SCAI: variants seen among roughly 807,000 people sequenced by gnomAD.
SCAI encodes suppressor of cancer cell invasion.
In SCAI, 24 loss-of-function variants were observed where a neutral mutation model predicts 92.2. The observed-to-expected ratio is 0.26, with a 90% CI of 0.19 to 0.37. The LOEUF (loss-of-function observed/expected upper bound fraction) is 0.37, where lower values mean the gene tolerates loss of function less well. Ranked by LOEUF, SCAI falls within the 10% of genes least tolerant of loss-of-function variation. The probability of loss-of-function intolerance (pLI) is 1.00; values close to 1 mark genes in which losing one functional copy is unlikely to be tolerated. For missense variants in SCAI, 450 were observed against 736.2 expected (o/e 0.61, Z 4.50); for synonymous variants, 261 against 258.6 (o/e 1.01, Z -0.09).
At chr9:125,054,436 G>A (rs1364723634) in intron 3 of SCAI, among the ~76,000 whole-genome samples, 1 of 151,902 alleles carries the variant, frequency 6.6e-6, no homozygotes, top group Non-Finnish European at 1.5e-5. Flanking sequence ...ATTGAGGGCA[G>A]GGACTGTTAG....
At chr9:125,131,110 T>A (rs534851224) in intron 2 of SCAI, among the ~76,000 whole-genome samples, 169 of 151,864 alleles carry the variant, frequency 1.1e-3, no homozygotes, top group African/African-American at 1.4e-3. Flanking sequence ...GATATTTTTT[T>A]AAAAAATTAT....
chr9:125,123,649 C>T (rs911078701), intron 2 of SCAI, among the ~76,000 whole-genome samples: 1 of 152,108 alleles, frequency 6.6e-6, no homozygotes, highest in Non-Finnish European at 1.5e-5. Context: ...GTGGCGGGCA[C>T]CTGGAATCTC....
At chr9:125,122,860 C>T (rs1252315136) in intron 2 of SCAI, among the ~76,000 whole-genome samples, 1 of 152,222 alleles carries the variant, frequency 6.6e-6, no homozygotes, top group East Asian at 1.9e-4. Flanking sequence ...GAGCCAAGAT[C>T]GCACCACCGC....
chr9:125,067,330 CG>C (rs573900184), intron 2 of SCAI, among the ~76,000 whole-genome samples: 22 of 152,034 alleles, frequency 1.4e-4, no homozygotes, highest in Non-Finnish European at 2.8e-4. Context: ...GTTAAGATGA[CG>C]TCATGCTGGA....
In SCAI at chr9:125,028,395, T is replaced by C; in HGVS notation, c.410A>G (p.Tyr137Cys). The C allele has an allele frequency of 6.4e-7, 1 of 1,552,734 alleles. No individual in the cohort carries two copies. Among genetic ancestry groups the C allele is most frequent in the Non-Finnish European group, 8.8e-7 (1 of 1,131,644 alleles). Residue 137 changes from tyrosine to cysteine, a missense_variant, in exon 5 of 18, where the codon TAT (tyrosine) becomes TGT (cysteine). By Grantham distance (194) the Tyr-to-Cys change is radical (BLOSUM62 -2). Coordinates refer to ENST00000336505, the MANE Select transcript of SCAI (RefSeq NM_001144877.3). Reference protein sequence around the residue: ...ASKIGQLYYHYYLRTSETSYL... With the variant: ...ASKIGQLYYHCYLRTSETSYL... ...TTTCCATGTGTAATTTACTTACTAA[T>C]AATGATAGTATAGCTGCCCAATCTT...
chr9:125,096,288 TATTCAC>T (rs1660483324), intron 2 of SCAI, among the ~76,000 whole-genome samples: 1 of 152,086 alleles, frequency 6.6e-6, no homozygotes, highest in Admixed American at 6.6e-5. Flanking sequence ...TCGTGAGACT[TATTCAC>T]TATCACAAGG....
At position 124,983,835 on chromosome 9, in the gene SCAI, C is replaced by T. The variant is rs141803088; in HGVS notation, c.1327-7649G>A. ...TTTTACATTCCAACTTGGCTACCTA[C>T]TATCTGTGTGATCTTGGGCAAATTA... On this transcript the variant is annotated intron_variant, in intron 14 of 17. Coordinates refer to ENST00000336505, the MANE Select transcript of SCAI (RefSeq NM_001144877.3). Among the ~76,000 whole-genome samples, 27 of 152,360 alleles carry T rather than the reference C, an allele frequency of 1.8e-4. No individual in the cohort carries two copies. In the East Asian group the frequency reaches 5.2e-3, roughly 29 times the overall value.
At position 124,952,818 on chromosome 9, in the gene SCAI, C is replaced by G. The variant is rs1178171123; in HGVS notation, c.1810G>C (p.Asp604His). 5 of 1,611,886 alleles carry G rather than the reference C, an allele frequency of 3.1e-6. No homozygotes were observed. The highest frequency in any genetic ancestry group is 1.6e-4 in the Middle Eastern group (1 of 6,074). Residue 604 changes from aspartate (D) to histidine (H), a missense_variant, in exon 18 of 18, where the codon GAT (aspartate) becomes CAT (histidine). Around this residue, in one of 3 missense-constraint regions of SCAI, gnomAD observed 360 missense variants for 601.8 expected, o/e 0.60. Transcript: ENST00000336505. ...ACAGGGTTTTTGTTTTAATAGTCAT[C>G]AATGGTATTCTCAAAGAACACGTTT... ...VRNVFFENTIDDY is the reference protein window; with the variant it reads ...VRNVFFENTIHDY
rs753899383 is a variant in SCAI at position 125,003,141 on chromosome 9, T to C, written c.1038A>G (p.Leu346=). The C allele has an allele frequency of 2.5e-6, 4 of 1,613,812 alleles. No homozygotes were observed. The highest frequency in any genetic ancestry group is 1.6e-4 in the Middle Eastern group (1 of 6,062). ...YLLYKPTFSQ[L]YTFLAASFKE... Reference sequence around the variant, plus strand: ...TAAAAGACGCTGCTAAGAAGGTATATAGCTGGCTGAAGGTTGGTTTGTAGA... The same window carrying C: ...TAAAAGACGCTGCTAAGAAGGTATACAGCTGGCTGAAGGTTGGTTTGTAGA... The change falls in exon 11 of 18, where the codon CTA becomes CTG. Residue 346 remains leucine, a synonymous_variant. Coordinates refer to ENST00000336505, the MANE Select transcript of SCAI (RefSeq NM_001144877.3).
chr9:124,991,484 A>G (rs149879934), intron 14 of SCAI, among the ~76,000 whole-genome samples: 81 of 152,186 alleles, frequency 5.3e-4, no homozygotes, highest in African/African-American at 1.8e-3. Context: ...TATATAAAAC[A>G]TATATAGCAA....
At chr9:125,040,749 C>A (rs963203108) in intron 3 of SCAI, among the ~76,000 whole-genome samples, 3 of 152,088 alleles carry the variant, frequency 2.0e-5, no homozygotes, top group African/African-American at 7.2e-5. Context: ...ACTCAGCCTC[C>A]TGAGTAGATG....
At chr9:125,080,688 T>C (rs946667054) in intron 2 of SCAI, among the ~76,000 whole-genome samples, 5 of 152,244 alleles carry the variant, frequency 3.3e-5, no homozygotes, top group Admixed American at 1.3e-4. Flanking sequence ...CATAAAGGTA[T>C]TATGAAGATT....
intron 2 of SCAI, among the ~76,000 whole-genome samples, chr9:125,081,777 G>A (rs1312289239): frequency 6.6e-6 from 1 of 152,010 alleles, no homozygotes; most frequent in Non-Finnish European, 1.5e-5. Context: ...GGTTCACCAT[G>A]TTGCCCAGGC....
intron 12 of SCAI, 37 bp from the exon 13 acceptor site, chr9:125,000,027 G>A: frequency 1.0e-6 from 1 of 963,958 alleles, no homozygotes; most frequent in Non-Finnish European, 1.6e-6. Context: ...GACTTCAGTT[G>A]AAGACTAACA....
At chr9:125,079,613 T>G (rs530095580) in intron 2 of SCAI, among the ~76,000 whole-genome samples, 3 of 152,298 alleles carry the variant, frequency 2.0e-5, no homozygotes, top group African/African-American at 7.2e-5. Context: ...AATTAACAAC[T>G]CATTAGTTCA....
chr9:125,016,285 G>A (rs1832757954), intron 9 of SCAI, among the ~76,000 whole-genome samples: 1 of 150,784 alleles, frequency 6.6e-6, no homozygotes, highest in South Asian at 2.1e-4. Flanking sequence ...CTACTAGGAA[G>A]GCTGAGGCAG....
At position 125,006,947 on chromosome 9, in the gene SCAI, C is replaced by G. The variant is rs1832523055; in HGVS notation, c.862-3377G>C. Among the ~76,000 whole-genome samples, 4 of 152,148 alleles carry G rather than the reference C, an allele frequency of 2.6e-5. No individual in the cohort carries two copies. The South Asian group carries it at 8.3e-4, about 32-fold the overall frequency. ...GAGCCTGGCCAACATGGTGAAACCC[C>G]ATCTCTACTAACAAATACAAAAATT... On this transcript the variant is annotated intron_variant, in intron 9 of 17. Coordinates refer to ENST00000336505, the MANE Select transcript of SCAI (RefSeq NM_001144877.3).
chr9:125,125,535 AAAAG>A (rs2131255856), intron 2 of SCAI, among the ~76,000 whole-genome samples: 1 of 151,740 alleles, frequency 6.6e-6, no homozygotes, highest in East Asian at 1.9e-4. Context: ...CTCCAAAAAA[AAAAG>A]AAAGAAAAAT....
rs1332153910 is a variant in SCAI, at chr9:124,951,103, A to G, written c.*1704T>C. 6.6e-6 allele frequency: 1 copy of G among 152,202 alleles called. No individual in the cohort carries two copies. Among genetic ancestry groups the G allele is most frequent in the African/African-American group, 2.4e-5 (1 of 41,292 alleles). 9.4% of individuals were successfully genotyped at this position (152,202 alleles called of 1,614,324 possible). A position where few individuals can be genotyped will look rare whatever the true frequency, so the allele number is the denominator to read the frequency against. On this transcript the variant is annotated 3_prime_UTR_variant, in exon 18 of 18. Coordinates refer to ENST00000336505, the MANE Select transcript of SCAI (RefSeq NM_001144877.3). The stretch of plus-strand genomic sequence containing the variant: ...AAGTAAAATACTCCCCAAGTCCCCA[A>G]ACCCCAAAAACAGTAACTTTGGACT...
Sources: allele counts gnomAD v4.1 joint callset (sites outside exome capture counted in the v4.1 genomes callset), GRCh38; gene constraint gnomAD v4.1.1; regional missense constraint gnomAD v4.1.1; transcripts MANE v1.5; gene names NCBI Gene and HGNC (gene_info 2026-07-23, HGNC 2026-07-21).